The following NBPF3 variants were observed in gnomAD, a reference collection of about 807,000 sequenced individuals.
NBPF3 encodes NBPF family member NBPF3.
A neutral mutation model predicts 78.1 loss-of-function variants in NBPF3; 57 were observed. The ratio of observed to expected loss-of-function variants is 0.73; its 90% CI spans 0.59 to 0.91. The LOEUF (loss-of-function observed/expected upper bound fraction) is 0.91. Among genes scored for constraint, NBPF3 ranks in the 40% least tolerant of loss-of-function variants. The pLI is 0.00. For synonymous variants in NBPF3, 182 were observed against 271.7 expected (o/e 0.67, Z 3.25); for missense variants, 510 against 715.3 (o/e 0.71, Z 3.27).
At chr1:21,445,635 C>T (rs1292383163) in intron 2 of NBPF3, among the ~76,000 whole-genome samples, 1 of 151,996 alleles carries the variant, frequency 6.6e-6, no homozygotes, top group Non-Finnish European at 1.5e-5. Flanking sequence ...ATCCCCCAGG[C>T]TAAGGCTCCT....
intron 2 of NBPF3, among the ~76,000 whole-genome samples, chr1:21,463,323 C>T (rs2147958397): frequency 6.6e-6 from 1 of 152,248 alleles, no homozygotes; most frequent in Non-Finnish European, 1.5e-5. Flanking sequence ...AATCACATGA[C>T]CAGGGCTCTC....
intron 2 of NBPF3, among the ~76,000 whole-genome samples, chr1:21,456,510 TAAAA>T (rs910573459): frequency 3.3e-5 from 5 of 152,180 alleles, no homozygotes; most frequent in Admixed American, 6.5e-5. Context: ...AGTTTATAAT[TAAAA>T]AAACTGTCCT....
intron 2 of NBPF3, among the ~76,000 whole-genome samples, chr1:21,447,738 T>TGTTTTCCAAAGTGACAGTACCCTTTTGA (rs1641072845): frequency 6.6e-6 from 1 of 152,220 alleles, no homozygotes; most frequent in South Asian, 2.1e-4. Flanking sequence ...TGAGTGAACT[T>TGTTTTCCAAAGTGACAGTACCCTTTTGA]GTTTTCCAAA....
chr1:21,470,283 T>C (rs1036707035), intron 3 of NBPF3, among the ~76,000 whole-genome samples: 2 of 152,232 alleles, frequency 1.3e-5, no homozygotes, highest in African/African-American at 2.4e-5. Context: ...AAATCACTAC[T>C]TCATGCCCCA....
chr1:21,477,776 C>T (rs1642962929), intron 8 of NBPF3, among the ~76,000 whole-genome samples: 1 of 152,178 alleles, frequency 6.6e-6, no homozygotes, highest in South Asian at 2.1e-4. Flanking sequence ...TCTGCACTGC[C>T]TCAAGAGCTC....
At chr1:21,471,029 A>C (rs972261624) in intron 4 of NBPF3, among the ~76,000 whole-genome samples, 3 of 151,888 alleles carry the variant, frequency 2.0e-5, no homozygotes, top group African/African-American at 7.2e-5. Flanking sequence ...AGCATTCGGC[A>C]TACTCAAAGT....
intron 4 of NBPF3, among the ~76,000 whole-genome samples, 169 bp downstream of exon 4, chr1:21,470,903 T>G (rs1570057649): frequency 1.3e-5 from 2 of 152,298 alleles, no homozygotes; most frequent in East Asian, 3.9e-4. Context: ...AGGATAATAA[T>G]AAGTTATGGG....
chr1:21,460,618 A>G lies in NBPF3; in HGVS notation c.134-8070A>G, dbSNP rs1417072037. On this transcript the variant is annotated intron_variant, in intron 2 of 14. Coordinates refer to ENST00000318249, the MANE Select transcript of NBPF3 (RefSeq NM_032264.6). The surrounding 1 kb of genome is among the most constrained non-coding windows in gnomAD (Gnocchi z 4.2). ...ATTAACCACTCTTCATCATACACTG[A>G]AATTAACTTAAGATGTGAAAGTTAA... Among the ~76,000 whole-genome samples, 1 of 152,262 alleles carries G rather than the reference A, an allele frequency of 6.6e-6. No homozygotes were observed. Among genetic ancestry groups the G allele is most frequent in the Non-Finnish European group, 1.5e-5 (1 of 68,044 alleles).
chr1:21,461,827 T>G (rs774904197), intron 2 of NBPF3, among the ~76,000 whole-genome samples: 1 of 152,196 alleles, frequency 6.6e-6, no homozygotes, highest in Non-Finnish European at 1.5e-5. Context: ...CTGCTAAGTT[T>G]AAATATTGGT....
chr1:21,467,544 C>A (rs1030585016), intron 2 of NBPF3, among the ~76,000 whole-genome samples: 2 of 152,140 alleles, frequency 1.3e-5, no homozygotes, highest in African/African-American at 4.8e-5. Flanking sequence ...GGAATGAAAC[C>A]AAAAATCAAT....
Position 21,483,376 on chromosome 1 carries a change from TC to T in NBPF3, c.1895del (p.Pro632HisfsTer9). ...CTGGCCTTCCAGATGGGAGTCATAT[TC>T]CCACACTAAGCAGCCCTTACTAAGC... ...HHLAFQMGVI[F>X]PH On this transcript the variant is annotated frameshift_variant, in exon 15 of 15. Transcript: ENST00000318249. LOFTEE classifies it high-confidence loss of function. The T allele has an allele frequency of 1.1e-6, 1 of 895,916 alleles. No individual in the cohort carries two copies. Among genetic ancestry groups the T allele is most frequent in the Non-Finnish European group, 1.6e-6 (1 of 613,232 alleles). The allele number at this position is 895,916 out of a possible 1,614,324, so 55.5% of individuals were successfully genotyped here. A position where few individuals can be genotyped will look rare whatever the true frequency, so the allele number is the denominator to read the frequency against.
intron 2 of NBPF3, chr1:21,468,471 G>T (rs1642398094): frequency 1.4e-6 from 2 of 1,429,270 alleles, no homozygotes; most frequent in Admixed American, 2.9e-5. Flanking sequence ...CCTCACTCTT[G>T]TCGGAGACTG....
Position 21,484,269 on chromosome 1 carries a change from G to C in NBPF3, c.*883G>C, listed in dbSNP as rs1643366276. On this transcript the variant is annotated 3_prime_UTR_variant, in exon 15 of 15. Coordinates refer to ENST00000318249, the MANE Select transcript of NBPF3 (RefSeq NM_032264.6). Reference sequence around the variant, plus strand: ...CAACAAAAAGGAGGAGAGATATTTTGGGTTCAGAAGAAGTAAATGATAATG... The same window carrying C: ...CAACAAAAAGGAGGAGAGATATTTTCGGTTCAGAAGAAGTAAATGATAATG... 2 of 145,668 alleles carry C rather than the reference G, an allele frequency of 1.4e-5. No homozygotes were observed. The highest frequency in any genetic ancestry group is 2.0e-4 in the East Asian group (1 of 4,916). The allele number at this position is 145,668 out of a possible 1,614,324, so 9.0% of individuals were successfully genotyped here.
chr1:21,469,891 T>A (rs1362386353), intron 3 of NBPF3, among the ~76,000 whole-genome samples: 1 of 152,174 alleles, frequency 6.6e-6, no homozygotes, highest in Non-Finnish European at 1.5e-5. Context: ...AAGTTGCTTG[T>A]CTTGTCTGTC....
At chr1:21,470,078 G>A (rs1026820907) in intron 3 of NBPF3, among the ~76,000 whole-genome samples, 3 of 152,052 alleles carry the variant, frequency 2.0e-5, no homozygotes, top group Non-Finnish European at 4.4e-5. Context: ...CTTAGTATTC[G>A]GGCAGATTTC....
rs1049651095 is a variant in NBPF3, at chr1:21,460,789, T to C, written c.134-7899T>C. 1.3e-5 allele frequency among the ~76,000 whole-genome samples: 2 copies of C among 152,232 alleles called. No homozygotes were observed. Among genetic ancestry groups the C allele is most frequent in the African/African-American group, 2.4e-5 (1 of 41,462 alleles). ...ATTTTTAAAAACCTTCTGCTTATTA[T>C]GTTGTTGTTTAACAACTTAAAAGCT... On this transcript the variant is annotated intron_variant, in intron 2 of 14. Coordinates refer to ENST00000318249, the MANE Select transcript of NBPF3 (RefSeq NM_032264.6). This position sits in a 1 kb window ranked among gnomAD's most constrained non-coding sequence, Gnocchi z 4.2.
In NBPF3 at chr1:21,444,835, C is replaced by T. The variant is rs1640869100; in HGVS notation, c.-139-113C>T. 3 of 384,674 alleles carry T rather than the reference C, an allele frequency of 7.8e-6. No individual in the cohort carries two copies. In the South Asian group the frequency reaches 1.3e-4, roughly 17 times the overall value. The allele number at this position is 384,674 out of a possible 1,614,324, so 23.8% of individuals were successfully genotyped here. On this transcript the variant is annotated intron_variant, in intron 1 of 14. Coordinates refer to ENST00000318249, the MANE Select transcript of NBPF3 (RefSeq NM_032264.6). The stretch of plus-strand genomic sequence containing the variant: ...ACCACCTCTAGTTCCCACCACCTTT[C>T]AACCTGCTCTTCCCTGGGTCTTCCC...
chr1:21,439,003 T>C (rs1640492907), upstream of NBPF3, among the ~76,000 whole-genome samples: 2 of 152,178 alleles, frequency 1.3e-5, no homozygotes, highest in Non-Finnish European at 2.9e-5. Context: ...AGCCCCATGG[T>C]GTCGCCCACC....
At chr1:21,474,077 T>C (rs1642755712) in intron 7 of NBPF3, among the ~76,000 whole-genome samples, 2 of 152,220 alleles carry the variant, frequency 1.3e-5, no homozygotes, top group Admixed American at 1.3e-4. Flanking sequence ...CTTTTCTTTT[T>C]TACTTTGCTG....
Sources: gnomAD v4.1 joint callset for allele counts (sites outside exome capture counted in the v4.1 genomes callset) on GRCh38, gnomAD v4.1.1 for gene constraint, Gnocchi (gnomAD v3.1) non-coding constraint, MANE v1.5 for transcripts, NCBI Gene and HGNC (gene_info 2026-07-23, HGNC 2026-07-21) for gene names.